FKBP15: variants seen among roughly 807,000 people sequenced by gnomAD.
The protein encoded by FKBP15 is FKBP prolyl isomerase family member 15.
Under a neutral mutation model 158.1 loss-of-function variants are expected in FKBP15, and 106 were observed. That is an observed-to-expected ratio of 0.67 (90% CI 0.57 to 0.79). The LOEUF (loss-of-function observed/expected upper bound fraction) is 0.79. Among genes scored for constraint, FKBP15 ranks in the 30% least tolerant of loss-of-function variants. The probability of loss-of-function intolerance (pLI) is 0.00; values close to 1 mark genes in which losing one functional copy is unlikely to be tolerated. For missense variants in FKBP15, 1,287 were observed against 1,479.1 expected, an observed-to-expected ratio of 0.87 and a Z score of 2.13; for synonymous variants, 547 against 548.6, an observed-to-expected ratio of 1.00 and a Z score of 0.04.
chr9:113,206,964 G>A, intron 3 of FKBP15: 1 of 467,792 alleles, frequency 2.1e-6, no homozygotes, highest in Non-Finnish European at 3.8e-6. Context: ...TCTCAGTGGA[G>A]AGGCTTTCTT....
chr9:113,198,752 CA>C lies in FKBP15; in HGVS notation c.717+102del, dbSNP rs1289944725. On this transcript the variant is annotated intron_variant, in intron 8 of 27. Coordinates refer to ENST00000238256, the MANE Select transcript of FKBP15 (RefSeq NM_015258.2). The surrounding 1 kb of genome is among the most constrained non-coding windows in gnomAD (Gnocchi z 5.2). ...GAACAACAAGAGCGAAACTCCGTCT[CA>C]AAAAATAAAAATAAAATAAAAAAAG... The C allele has an allele frequency of 6.6e-6, 6 of 902,578 alleles. No homozygotes were observed. In the African/African-American group the frequency reaches 8.6e-5, roughly 13 times the overall value. The allele number at this position is 902,578 out of a possible 1,614,324, so 55.9% of individuals were successfully genotyped here.
Position 113,176,642 on chromosome 9 carries a change from G to A in FKBP15, c.2118C>T (p.Ser706=). Residue 706 remains serine, a synonymous_variant, in exon 21 of 28, where the codon TCC becomes TCT. Coordinates refer to ENST00000238256, the MANE Select transcript of FKBP15 (RefSeq NM_015258.2). ...GGTTCTGCTTTTCACTTTTGAATTT[G>A]GACTGTGCTTGCTCAGAGGTTTCTT... The part of the protein sequence containing the change: ...ELQETSEQAQ[S]KFKSEKQNRK... The A allele has an allele frequency of 3.1e-6, 5 of 1,607,814 alleles. No individual in the cohort carries two copies. The highest frequency in any genetic ancestry group is 4.2e-6 in the Non-Finnish European group (5 of 1,176,496).
Position 113,198,903 on chromosome 9 carries a change from G to C in FKBP15, c.669C>G (p.Asn223Lys). The C allele has an allele frequency of 1.2e-6, 2 of 1,604,642 alleles. No individual in the cohort carries two copies. The highest frequency in any genetic ancestry group is 1.7e-6 in the Non-Finnish European group (2 of 1,175,190). ...VLGQVFDSTA[N>K]KDKLLRLKLG... Reference sequence around the variant, plus strand: ...ACTTCAAGCGAAGCAACTTATCTTTGTTAGCAGTGGAGTCGAAAACCTGCA... The same window carrying C: ...ACTTCAAGCGAAGCAACTTATCTTTCTTAGCAGTGGAGTCGAAAACCTGCA... The change falls in exon 8 of 28, where the codon AAC becomes AAG. Residue 223 changes from asparagine (N) to lysine (K), a missense_variant. Transcript: ENST00000238256. This position sits in a 1 kb window ranked among gnomAD's most constrained non-coding sequence, Gnocchi z 5.2.
chr9:113,206,711 AATT>A, intron 3 of FKBP15, 133 bp from the exon 4 acceptor site: 15 of 588,834 alleles, frequency 2.5e-5, no homozygotes, highest in African/African-American at 4.2e-5. Context: ...AGCGGTTTAA[AATT>A]TTTTTTTTTT....
At chr9:113,174,168 A>AT (rs1242958857) in intron 22 of FKBP15, among the ~76,000 whole-genome samples, 1 of 151,964 alleles carries the variant, frequency 6.6e-6, no homozygotes, top group Non-Finnish European at 1.5e-5. Flanking sequence ...CATGTTTGGA[A>AT]TTTTTTTTGT....
At chr9:113,171,782 C>A (rs1830215775) in intron 23 of FKBP15, 76 bp from the exon 24 acceptor site, 1 of 1,241,504 alleles carries the variant, frequency 8.1e-7, no homozygotes, top group Non-Finnish European at 1.0e-6. Context: ...AGGAGAACCA[C>A]CCAAACATCA....
chr9:113,184,880 T>G lies in FKBP15; in HGVS notation c.1499-76A>C. ...CTGTATGAAGAAAAGCTAGTAGCTC[T>G]TCCAGTAAAGAAAGAAATTAATACT... On this transcript the variant is annotated intron_variant, in intron 15 of 27. Coordinates refer to ENST00000238256, the MANE Select transcript of FKBP15 (RefSeq NM_015258.2). The surrounding 1 kb of genome is among the most constrained non-coding windows in gnomAD (Gnocchi z 4.5). 2 of 1,141,680 alleles carry G rather than the reference T, an allele frequency of 1.8e-6. No individual in the cohort carries two copies. Among genetic ancestry groups the G allele is most frequent in the Non-Finnish European group, 2.5e-6 (2 of 792,470 alleles). 70.7% of individuals were successfully genotyped at this position (1,141,680 alleles called of 1,614,324 possible).
intron 4 of FKBP15, among the ~76,000 whole-genome samples, chr9:113,204,454 C>A (rs2118933944): frequency 6.6e-6 from 1 of 152,358 alleles, no homozygotes; most frequent in Middle Eastern, 3.4e-3. Context: ...AAATCTACTA[C>A]AATGAATTCT....
At chr9:113,221,101 G>T in intron 1 of FKBP15, 90 bp downstream of exon 1, 1 of 1,397,486 alleles carries the variant, frequency 7.2e-7, no homozygotes, top group South Asian at 1.4e-5. Flanking sequence ...CGGAAGTTGG[G>T]AAAAGGCCTG....
chr9:113,209,006 CAAAAAA>C (rs5900044), intron 2 of FKBP15, among the ~76,000 whole-genome samples: 2 of 98,724 alleles, frequency 2.0e-5, no homozygotes, highest in Non-Finnish European at 4.0e-5. Context: ...GACTCCATCT[CAAAAAA>C]AAAAAAAAAA....
intron 2 of FKBP15, among the ~76,000 whole-genome samples, chr9:113,209,006 CA>C (rs5900044): frequency 0.03 from 2,994 of 98,640 alleles, 67 homozygotes; most frequent in African/African-American, 0.1. Context: ...GACTCCATCT[CA>C]AAAAAAAAAA....
intron 19 of FKBP15, 56 bp from the exon 20 acceptor site, chr9:113,178,857 G>A: frequency 6.7e-7 from 1 of 1,500,876 alleles, no homozygotes; most frequent in East Asian, 2.4e-5. Flanking sequence ...CCATGCAGGT[G>A]ATGAACCAAC....
intron 26 of FKBP15, 38 bp from the exon 27 acceptor site, chr9:113,168,594 C>G (rs1470406924): frequency 9.4e-6 from 15 of 1,587,948 alleles, no homozygotes; most frequent in Non-Finnish European, 1.3e-5. Context: ...GTTATTGTTC[C>G]TGCTCCAGGT....
intron 1 of FKBP15, among the ~76,000 whole-genome samples, chr9:113,218,377 T>TTTTATATATA (rs1346739916): frequency 6.9e-5 from 7 of 101,494 alleles, no homozygotes; most frequent in African/African-American, 1.6e-4. Flanking sequence ...GTAAATACAA[T>TTTTATATATA]TATATATATA....
At chr9:113,178,910 A>G (rs1830344557) in intron 19 of FKBP15, 109 bp from the exon 20 acceptor site, 2 of 1,129,658 alleles carry the variant, frequency 1.8e-6, no homozygotes, top group South Asian at 3.3e-5. Context: ...ACAGGGAGTT[A>G]TGGCTGCCTT....
chr9:113,209,778 T>G (rs1830963901), intron 2 of FKBP15, among the ~76,000 whole-genome samples: 1 of 152,258 alleles, frequency 6.6e-6, no homozygotes, highest in African/African-American at 2.4e-5. Flanking sequence ...CTGTTTCTGC[T>G]TTCTTCAGCA....
chr9:113,164,100 C>CAAACA lies in FKBP15; in HGVS notation c.*1973_*1977dup, dbSNP rs1830061932. The CAAACA allele has an allele frequency of 1.4e-5, 1 of 70,944 alleles. No individual in the cohort carries two copies. Among genetic ancestry groups the CAAACA allele is most frequent in the Non-Finnish European group, 3.4e-5 (1 of 29,544 alleles). 4.4% of individuals were successfully genotyped at this position (70,944 alleles called of 1,614,324 possible). ...GGTTGTAAGCTTTGGGAATTAAAAA[C>CAAACA]AAACAAATACATTTTAGTAAATATA... On this transcript the variant is annotated 3_prime_UTR_variant, in exon 28 of 28. Coordinates refer to ENST00000238256, the MANE Select transcript of FKBP15 (RefSeq NM_015258.2).
At chr9:113,213,844 C>T (rs1831066805) in intron 1 of FKBP15, among the ~76,000 whole-genome samples, 2 of 152,188 alleles carry the variant, frequency 1.3e-5, no homozygotes, top group Admixed American at 1.3e-4. Context: ...TTATAAGCAA[C>T]AGAAAACAGA....
intron 20 of FKBP15, among the ~76,000 whole-genome samples, chr9:113,177,520 T>C (rs1044193547): frequency 1.4e-4 from 22 of 152,344 alleles, no homozygotes; most frequent in African/African-American, 5.3e-4. Context: ...CAATGGCCAA[T>C]GCCTGTTAAT....
Sources: gnomAD v4.1 joint callset for allele counts (sites outside exome capture counted in the v4.1 genomes callset) on GRCh38, gnomAD v4.1.1 for gene constraint, Gnocchi (gnomAD v3.1) non-coding constraint, MANE v1.5 for transcripts, NCBI Gene and HGNC (gene_info 2026-07-23, HGNC 2026-07-21) for gene names.